Variants in RAB37 observed in about 807,000 individuals in gnomAD.
The protein encoded by RAB37 is RAB37, member RAS oncogene family.
In RAB37, 29 loss-of-function variants were observed where a neutral mutation model predicts 33.1. The observed-to-expected ratio is 0.88, with a 90% CI of 0.65 to 1.20. The LOEUF is 1.20. Ranked by LOEUF, RAB37 falls within the 50% of genes most tolerant of loss-of-function variation. The probability of loss-of-function intolerance (pLI) is 0.00; values close to 1 mark genes in which losing one functional copy is unlikely to be tolerated. For missense variants in RAB37, 299 were observed against 301.1 expected (o/e 0.99, Z 0.05); for synonymous variants, 128 against 119.5 (o/e 1.07, Z -0.47).
upstream of RAB37, among the ~76,000 whole-genome samples, chr17:74,733,540 GA>G (rs2034423606): frequency 1.2e-3 from 7 of 6,046 alleles, no homozygotes; most frequent in Non-Finnish European, 1.7e-3. Flanking sequence ...TTTGAGGGGT[GA>G]GGTGTGTATG....
chr17:74,702,331 C>T (rs1181598026), intron 1 of RAB37, among the ~76,000 whole-genome samples: 1 of 152,114 alleles, frequency 6.6e-6, no homozygotes, highest in Non-Finnish European at 1.5e-5. Context: ...CAGAGACTTC[C>T]ATCCAAGCTC....
At chr17:74,689,422 G>A (rs780047641) in intron 1 of RAB37, among the ~76,000 whole-genome samples, 2 of 151,862 alleles carry the variant, frequency 1.3e-5, no homozygotes, top group Non-Finnish European at 2.9e-5. Flanking sequence ...CAGCCCGGGT[G>A]ACAGAGCAAG....
intron 1 of RAB37, chr17:74,694,763 A>C: frequency 4.8e-6 from 1 of 206,316 alleles, no homozygotes; most frequent in South Asian, 1.5e-4. Flanking sequence ...GCAATAAATA[A>C]AGGTTCATTG....
At chr17:74,709,158 A>C (rs2033770402) in intron 1 of RAB37, among the ~76,000 whole-genome samples, 1 of 151,764 alleles carries the variant, frequency 6.6e-6, no homozygotes, top group Non-Finnish European at 1.5e-5. Context: ...CAGGAGGCGG[A>C]GGTTGCAGTG....
At chr17:74,714,347 C>A (rs949908616) in intron 1 of RAB37, among the ~76,000 whole-genome samples, 1 of 151,804 alleles carries the variant, frequency 6.6e-6, no homozygotes, top group African/African-American at 2.4e-5. Flanking sequence ...GATTGAGCCA[C>A]TGTTCACTGT....
At chr17:74,709,020 C>T (rs911186347) in intron 1 of RAB37, among the ~76,000 whole-genome samples, 5 of 151,088 alleles carry the variant, frequency 3.3e-5, no homozygotes, top group Non-Finnish European at 7.4e-5. Context: ...GCCAAGAGAT[C>T]GAGACAATCC....
chr17:74,674,142 T>A (rs1468875899), intron 1 of RAB37, among the ~76,000 whole-genome samples: 2 of 152,074 alleles, frequency 1.3e-5, no homozygotes, highest in Non-Finnish European at 2.9e-5. Flanking sequence ...AGTGGTGTGA[T>A]CTCAGCTCAC....
intron 1 of RAB37, among the ~76,000 whole-genome samples, chr17:74,701,818 C>G (rs2033072813): frequency 6.7e-6 from 1 of 148,898 alleles, no homozygotes; most frequent in Non-Finnish European, 1.5e-5. Flanking sequence ...CTACTGCACT[C>G]CAACCTGGGC....
chr17:74,676,569 T>G lies in RAB37; in HGVS notation c.72+4911T>G, dbSNP rs1240065338. Among the ~76,000 whole-genome samples, 2 of 152,240 alleles carry G rather than the reference T, an allele frequency of 1.3e-5. No homozygotes were observed. The highest frequency in any genetic ancestry group is 2.9e-5 in the Non-Finnish European group (2 of 68,036). ...CTTCTATTACCCATCTTGTAATTTC[T>G]GTGTCCCTCAAAAGTCCGCATGCCT... On this transcript the variant is annotated intron_variant, in intron 1 of 7. Coordinates refer to the RAB37 transcript ENST00000340415. This position sits in a 1 kb window ranked among gnomAD's most constrained non-coding sequence, Gnocchi z 4.1.
chr17:74,735,039 AAGAAAGAAAG>A (rs746320452), upstream of RAB37, among the ~76,000 whole-genome samples: 2 of 145,740 alleles, frequency 1.4e-5, no homozygotes, highest in Non-Finnish European at 3.1e-5. Flanking sequence ...GAAAGAAAGA[AAGAAAGAAAG>A]AAAGAAAGAA....
At position 74,744,434 on chromosome 17, in the gene RAB37, A is replaced by T. The variant is rs751081135; in HGVS notation, c.432+61A>T. On this transcript the variant is annotated intron_variant, in intron 6 of 8. Coordinates refer to ENST00000392613, the MANE Select transcript of RAB37 (RefSeq NM_001006638.3). This position sits in a 1 kb window ranked among gnomAD's most constrained non-coding sequence, Gnocchi z 4.2. ...CACTTCCTCAGCCCTAGCCGGCCCC[A>T]TAACCACCCAAGAACAGTTATCTAG... 5.3e-6 allele frequency: 8 copies of T among 1,509,180 alleles called. No homozygotes were observed. In the South Asian group the frequency reaches 9.0e-5, roughly 17 times the overall value. 93.5% of individuals were successfully genotyped at this position (1,509,180 alleles called of 1,614,324 possible).
intron 1 of RAB37, among the ~76,000 whole-genome samples, chr17:74,690,743 T>C (rs1409143142): frequency 6.6e-6 from 1 of 152,198 alleles, no homozygotes; most frequent in African/African-American, 2.4e-5. Context: ...AGACACTTCC[T>C]ATCAGGACCA....
At chr17:74,718,815 C>T (rs2034202311) in intron 1 of RAB37, among the ~76,000 whole-genome samples, 1 of 152,184 alleles carries the variant, frequency 6.6e-6, no homozygotes, top group African/African-American at 2.4e-5. Context: ...GTGTGTGTAT[C>T]TATTACCAAT....
chr17:74,740,773 G>C lies in RAB37; in HGVS notation c.99G>C (p.Met33Ile), dbSNP rs1417138461. The change falls in exon 2 of 9, where the codon ATG (methionine) becomes ATC (isoleucine). Residue 33 changes from methionine to isoleucine, a missense_variant. By Grantham distance (10) the Met-to-Ile change is conservative. Coordinates refer to ENST00000392613, the MANE Select transcript of RAB37 (RefSeq NM_001006638.3). ...SPSYDLTGKV[M>I]LLGDTGVGKT... is the part of the protein sequence containing the mutation. Reference sequence around the variant, plus strand: ...CCTCTGCCCCTACCCCCTAGGTGATGCTTCTGGGAGACACAGGCGTCGGCA... The same window carrying C: ...CCTCTGCCCCTACCCCCTAGGTGATCCTTCTGGGAGACACAGGCGTCGGCA... 3.1e-6 allele frequency: 5 copies of C among 1,613,146 alleles called. No homozygotes were observed. The highest frequency in any genetic ancestry group is 4.2e-6 in the Non-Finnish European group (5 of 1,179,330).
chr17:74,737,114 C>A, upstream of RAB37: 3 of 1,599,428 alleles, frequency 1.9e-6, no homozygotes, highest in Non-Finnish European at 2.6e-6. Flanking sequence ...CAGGGAACAG[C>A]AAGGTCCGAG....
At chr17:74,698,693 C>T (rs1164008697) in intron 1 of RAB37, 1 of 1,252,282 alleles carries the variant, frequency 8.0e-7, no homozygotes, top group South Asian at 1.7e-5. Flanking sequence ...CAAGAGACAC[C>T]AGGGCCTACT....
upstream of RAB37, among the ~76,000 whole-genome samples, chr17:74,736,275 G>T (rs2034473361): frequency 6.6e-6 from 1 of 151,372 alleles, no homozygotes; most frequent in Non-Finnish European, 1.5e-5. Context: ...CCCTCAAACC[G>T]TCCCGCTGTA....
rs1237004183 is a variant in RAB37 at position 74,671,850 on chromosome 17, C to T, written c.72+192C>T. Among the ~76,000 whole-genome samples, 4 of 152,134 alleles carry T rather than the reference C, an allele frequency of 2.6e-5. No homozygotes were observed. Among genetic ancestry groups the T allele is most frequent in the East Asian group, 1.9e-4 (1 of 5,180 alleles). On this transcript the variant is annotated intron_variant, in intron 1 of 7. Coordinates refer to the RAB37 transcript ENST00000340415. This position sits in a 1 kb window ranked among gnomAD's most constrained non-coding sequence, Gnocchi z 5.0. ...GCGTGAGCTCTTGGGGAAGGGCTGC[C>T]GCCAGAGGCTCAGATGGTCAGAAGC... is the stretch of plus-strand genomic sequence containing the variant.
rs528248402 is a variant in RAB37 at position 74,712,771 on chromosome 17, A to G, written c.73-16485A>G. 1.1e-5 allele frequency: 17 copies of G among 1,604,042 alleles called. No homozygotes were observed. The African/African-American group carries it at 2.0e-4, about 19-fold the overall frequency. On this transcript the variant is annotated intron_variant, in intron 1 of 7. Transcript: ENST00000340415. ...GGGTCCCTTCTTCCCTCTCTCAGCC[A>G]CCTCCTCCTGCTTGCTAAGCTTCCC...
Sources: gnomAD v4.1 joint callset for allele counts (sites outside exome capture counted in the v4.1 genomes callset) on GRCh38, gnomAD v4.1.1 for gene constraint, Gnocchi (gnomAD v3.1) non-coding constraint, MANE v1.5 for transcripts, NCBI Gene and HGNC (gene_info 2026-07-23, HGNC 2026-07-21) for gene names.